The following REEP3 variants were observed in gnomAD, a reference collection of about 807,000 sequenced individuals.
REEP3 encodes receptor accessory protein 3, also known as receptor expression-enhancing protein 3.
A neutral mutation model predicts 41.3 loss-of-function variants in REEP3; 20 were observed. The observed-to-expected ratio is 0.48, with a 90% CI of 0.34 to 0.70. The LOEUF (loss-of-function observed/expected upper bound fraction) is 0.70. REEP3 is among the 30% of genes least tolerant of loss of function. REEP3 has a pLI of 0.01. For missense variants in REEP3, 271 were observed against 308.8 expected (o/e 0.88, Z 0.92); for synonymous variants, 104 against 101.8 (o/e 1.02, Z -0.13).
intron 1 of REEP3, among the ~76,000 whole-genome samples, chr10:63,533,107 C>T (rs879457375): frequency 7.2e-5 from 11 of 152,170 alleles, no homozygotes; most frequent in Non-Finnish European, 1.5e-4. Context: ...ATCATGAGTG[C>T]AGTGTGTATA....
chr10:63,571,115 G>A (rs1477094222), intron 2 of REEP3, among the ~76,000 whole-genome samples: 2 of 152,082 alleles, frequency 1.3e-5, no homozygotes, highest in African/African-American at 4.8e-5. Context: ...TGAGACCATC[G>A]GGTGGGGTAG....
intron 2 of REEP3, among the ~76,000 whole-genome samples, chr10:63,573,518 C>T (rs1564482048): frequency 1.3e-5 from 2 of 152,152 alleles, no homozygotes. Context: ...CAAAATCAGA[C>T]ATTTGGTTCT....
chr10:63,599,707 T>C (rs1456756147), intron 5 of REEP3: 26 of 983,852 alleles, frequency 2.6e-5, no homozygotes, highest in Non-Finnish European at 1.9e-5. Flanking sequence ...CTTCAATCAA[T>C]TTGAGGTAAC....
chr10:63,576,958 G>C (rs1955903762), intron 2 of REEP3, among the ~76,000 whole-genome samples: 1 of 152,156 alleles, frequency 6.6e-6, no homozygotes, highest in African/African-American at 2.4e-5. Flanking sequence ...AGACACATTT[G>C]AAGTTAGAAC....
At chr10:63,611,202 A>G (rs1223550807) in intron 6 of REEP3, among the ~76,000 whole-genome samples, 2 of 152,238 alleles carry the variant, frequency 1.3e-5, no homozygotes, top group African/African-American at 4.8e-5. Context: ...CACCACCAGC[A>G]CTAGTTCTAA....
intron 5 of REEP3, among the ~76,000 whole-genome samples, chr10:63,609,968 C>G (rs990207894): frequency 6.6e-6 from 1 of 151,912 alleles, no homozygotes; most frequent in Admixed American, 6.6e-5. Context: ...CTGATGTCTC[C>G]AACTTACTTT....
chr10:63,522,050 C>T (rs988726899), intron 1 of REEP3, among the ~76,000 whole-genome samples: 1 of 152,044 alleles, frequency 6.6e-6, no homozygotes, highest in African/African-American at 2.4e-5. Flanking sequence ...ACGGCAGTGC[C>T]GAGCCTTTGT....
chr10:63,522,477 T>G (rs1157462830), intron 1 of REEP3, among the ~76,000 whole-genome samples: 1 of 150,898 alleles, frequency 6.6e-6, no homozygotes, highest in African/African-American at 2.4e-5. Context: ...TCTCCCCGAT[T>G]AAAAAAAAAG....
chr10:63,601,808 C>T (rs1317199555), intron 5 of REEP3, among the ~76,000 whole-genome samples: 1 of 152,098 alleles, frequency 6.6e-6, no homozygotes. Context: ...GTAGTCCCAG[C>T]TACTCAGGAG....
intron 2 of REEP3, among the ~76,000 whole-genome samples, chr10:63,578,740 G>A (rs1235274316): frequency 2.0e-5 from 3 of 152,164 alleles, no homozygotes; most frequent in Admixed American, 2.0e-4. Flanking sequence ...TCATGCCACT[G>A]CACTCCACCA....
At chr10:63,617,216 G>C (rs1426450239) in intron 6 of REEP3, among the ~76,000 whole-genome samples, 1 of 152,108 alleles carries the variant, frequency 6.6e-6, no homozygotes, top group Non-Finnish European at 1.5e-5. Flanking sequence ...GCCTAAATAA[G>C]GACTGATTCC....
chr10:63,602,860 C>CTGCATAGTAGG (rs1956185086), intron 5 of REEP3, among the ~76,000 whole-genome samples: 1 of 152,146 alleles, frequency 6.6e-6, no homozygotes, highest in Admixed American at 6.5e-5. Context: ...TTAATGCCTA[C>CTGCATAGTAGG]TGCATAGTAG....
chr10:63,577,047 C>A (rs1193323958), intron 2 of REEP3, among the ~76,000 whole-genome samples: 1 of 152,178 alleles, frequency 6.6e-6, no homozygotes, highest in African/African-American at 2.4e-5. Flanking sequence ...CACCATTCAA[C>A]CCATAACAAC....
In REEP3 at chr10:63,574,605, G is replaced by A. The variant is rs550650473; in HGVS notation, c.105+8195G>A. ...CATTATGTAAACACTATTCACAGCT[G>A]ATCTCCACAGTATCCTGCCATTACC... On this transcript the variant is annotated intron_variant, in intron 2 of 7. Transcript: ENST00000373758. Among the ~76,000 whole-genome samples the A allele has an allele frequency of 2.0e-5, 3 of 152,170 alleles. No homozygotes were observed. In the South Asian group the frequency reaches 6.2e-4, roughly 32 times the overall value.
Position 63,621,003 on chromosome 10 carries a change from A to G in REEP3, c.*134A>G, listed in dbSNP as rs1956349657. The G allele has an allele frequency of 1.9e-6, 1 of 537,884 alleles. No individual in the cohort carries two copies. Among genetic ancestry groups the G allele is most frequent in the African/African-American group, 1.9e-5 (1 of 51,638 alleles). The allele number at this position is 537,884 out of a possible 1,614,324, so 33.3% of individuals were successfully genotyped here. A position where few individuals can be genotyped will look rare whatever the true frequency, so the allele number is the denominator to read the frequency against. On this transcript the variant is annotated 3_prime_UTR_variant, in exon 8 of 8. Transcript: ENST00000373758. ...GCAGTGATGGGGTTTACTTTCATGAATTTAAATTGTTTTTATTTCTGTAAC... is the reference window on the plus strand; with the variant it reads ...GCAGTGATGGGGTTTACTTTCATGAGTTTAAATTGTTTTTATTTCTGTAAC...
At chr10:63,615,675 G>A (rs1302650561) in intron 6 of REEP3, among the ~76,000 whole-genome samples, 4 of 151,934 alleles carry the variant, frequency 2.6e-5, no homozygotes, top group African/African-American at 9.7e-5. Flanking sequence ...CTCCCGAGTA[G>A]CTGGGATTAC....
rs796822043 is a variant in REEP3 at position 63,559,963 on chromosome 10, A to G, written c.33-6375A>G. 7.9e-5 allele frequency among the ~76,000 whole-genome samples: 12 copies of G among 152,296 alleles called. 1 individual carries two copies. The highest frequency in any genetic ancestry group is 2.9e-4 in the African/African-American group (12 of 41,582). ...CATAAGAAAATGCTGATAATGTAGC[A>G]TTGAGTGAAACAGAAGGATAAAAAT... On this transcript the variant is annotated intron_variant, in intron 1 of 7. Coordinates refer to ENST00000373758, the MANE Select transcript of REEP3 (RefSeq NM_001001330.3).
chr10:63,523,575 G>A (rs1050303649), intron 1 of REEP3, among the ~76,000 whole-genome samples: 1 of 152,230 alleles, frequency 6.6e-6, no homozygotes, highest in African/African-American at 2.4e-5. Context: ...GGTCAAGGCT[G>A]CAGTGAGCCG....
intron 1 of REEP3, among the ~76,000 whole-genome samples, chr10:63,550,586 T>C (rs947697619): frequency 1.1e-4 from 16 of 152,178 alleles, no homozygotes; most frequent in African/African-American, 3.9e-4. Context: ...AAAAATCCCA[T>C]ATCCAGAGTC....
Sources: allele counts gnomAD v4.1 joint callset (sites outside exome capture counted in the v4.1 genomes callset), GRCh38; gene constraint gnomAD v4.1.1; transcripts MANE v1.5; gene names NCBI Gene and HGNC (gene_info 2026-07-23, HGNC 2026-07-21).